SEMA3E: variants seen among roughly 807,000 people sequenced by gnomAD.
SEMA3E encodes semaphorin-3E.
SEMA3E carries 49 observed loss-of-function variants against 93.6 expected under a neutral mutation model. That is an observed-to-expected ratio of 0.52 (90% CI 0.42 to 0.66). The LOEUF is 0.66. Ranked by LOEUF, SEMA3E falls within the 30% of genes least tolerant of loss-of-function variation. SEMA3E has a pLI of 0.00. For synonymous variants in SEMA3E, 363 were observed against 330.7 expected, an observed-to-expected ratio of 1.10 and a Z score of -1.06; for missense variants, 906 against 964.8, an observed-to-expected ratio of 0.94 and a Z score of 0.81.
chr7:83,482,871 G>C (rs1273736748), intron 2 of SEMA3E, among the ~76,000 whole-genome samples: 3 of 151,646 alleles, frequency 2.0e-5, no homozygotes, highest in African/African-American at 7.3e-5. Context: ...GGATATGTTT[G>C]AAGGTTATTC....
At chr7:83,479,661 T>C (rs960406633) in intron 2 of SEMA3E, among the ~76,000 whole-genome samples, 2 of 152,150 alleles carry the variant, frequency 1.3e-5, no homozygotes, top group Non-Finnish European at 2.9e-5. Context: ...AGAAAGATAC[T>C]ATGGATATCT....
chr7:83,556,025 G>A (rs1003383236), intron 1 of SEMA3E, among the ~76,000 whole-genome samples: 1 of 152,020 alleles, frequency 6.6e-6, no homozygotes, highest in Non-Finnish European at 1.5e-5. Flanking sequence ...AAATGAGAAA[G>A]CACTAACTGC....
chr7:83,582,246 A>G (rs569536787), intron 1 of SEMA3E, among the ~76,000 whole-genome samples: 12 of 150,856 alleles, frequency 8.0e-5, no homozygotes, highest in African/African-American at 1.4e-4. Flanking sequence ...ATAGTAATAT[A>G]TACATATAAA....
chr7:83,505,907 C>T (rs972207767), intron 1 of SEMA3E, among the ~76,000 whole-genome samples: 4 of 149,928 alleles, frequency 2.7e-5, no homozygotes, highest in Admixed American at 1.3e-4. Context: ...CCCAGCTACT[C>T]GGGAGGCTGA....
rs1562746158 is a variant in SEMA3E at position 83,367,572 on chromosome 7, A to G, written c.*14T>C. ...ATATAAATTCTTCAAAAGACAGTAGATAGTCTCACCCCATCAGGAGTCCAG... is the reference window on the plus strand; with the variant it reads ...ATATAAATTCTTCAAAAGACAGTAGGTAGTCTCACCCCATCAGGAGTCCAG... On this transcript the variant is annotated 3_prime_UTR_variant, in exon 17 of 17. Coordinates refer to ENST00000643230, the MANE Select transcript of SEMA3E (RefSeq NM_012431.3). 5.0e-6 allele frequency: 8 copies of G among 1,612,800 alleles called. No homozygotes were observed. Among genetic ancestry groups the G allele is most frequent in the Non-Finnish European group, 5.9e-6 (7 of 1,178,836 alleles).
intron 1 of SEMA3E, among the ~76,000 whole-genome samples, chr7:83,628,471 A>G (rs1793720444): frequency 6.6e-6 from 1 of 151,876 alleles, no homozygotes; most frequent in Non-Finnish European, 1.5e-5. Flanking sequence ...TGTTTCTTGG[A>G]GGCTTTTTTC....
intron 1 of SEMA3E, among the ~76,000 whole-genome samples, chr7:83,519,757 C>T (rs980206788): frequency 3.3e-5 from 5 of 152,140 alleles, no homozygotes; most frequent in Admixed American, 2.6e-4. Context: ...TTTCTGTACG[C>T]ATAGAACCTG....
chr7:83,602,993 T>G (rs1793029887), intron 1 of SEMA3E, among the ~76,000 whole-genome samples: 1 of 152,228 alleles, frequency 6.6e-6, no homozygotes, highest in South Asian at 2.1e-4. Context: ...AATAAATATT[T>G]GTTAAATTGA....
At chr7:83,562,499 T>TA (rs994716869) in intron 1 of SEMA3E, among the ~76,000 whole-genome samples, 2 of 150,458 alleles carry the variant, frequency 1.3e-5, no homozygotes, top group African/African-American at 4.9e-5. Context: ...TTTATTTATT[T>TA]ATTTATTTTC....
chr7:83,568,416 G>T (rs1244510158), intron 1 of SEMA3E, among the ~76,000 whole-genome samples: 2 of 151,802 alleles, frequency 1.3e-5, no homozygotes, highest in East Asian at 3.9e-4. Context: ...GCAAAGAGTC[G>T]ACAACAACAA....
intron 4 of SEMA3E, among the ~76,000 whole-genome samples, chr7:83,436,339 A>G (rs1265229498): frequency 1.1e-5 from 1 of 93,226 alleles, no homozygotes; most frequent in African/African-American, 3.4e-5. Context: ...AGAAGAGGAG[A>G]AGAATAGAAA....
chr7:83,402,915 T>C, intron 9 of SEMA3E, 139 bp from the exon 10 acceptor site: 1 of 762,852 alleles, frequency 1.3e-6, no homozygotes. Flanking sequence ...ATATTCTAGG[T>C]ATGTTAATTA....
At chr7:83,565,228 GATC>G (rs1282408763) in intron 1 of SEMA3E, among the ~76,000 whole-genome samples, 1 of 152,158 alleles carries the variant, frequency 6.6e-6, no homozygotes, top group Non-Finnish European at 1.5e-5. Context: ...AAAACAATGA[GATC>G]ATGTTCTTTG....
chr7:83,552,172 T>A (rs528352268), intron 1 of SEMA3E, among the ~76,000 whole-genome samples: 2 of 152,278 alleles, frequency 1.3e-5, no homozygotes, highest in East Asian at 3.9e-4. Context: ...CCGTCCTACA[T>A]TGTTGCAGGA....
chr7:83,462,747 C>A (rs1191147566), intron 4 of SEMA3E, among the ~76,000 whole-genome samples: 1 of 144,576 alleles, frequency 6.9e-6, no homozygotes, highest in Admixed American at 6.9e-5. Context: ...CCTTACAATT[C>A]CCCCATTTTA....
intron 4 of SEMA3E, among the ~76,000 whole-genome samples, chr7:83,427,921 T>C (rs1445586366): frequency 6.6e-6 from 1 of 152,166 alleles, no homozygotes; most frequent in Non-Finnish European, 1.5e-5. Flanking sequence ...TCTGCCTGAG[T>C]AGTGTGTTTT....
At chr7:83,571,664 A>G (rs1425353071) in intron 1 of SEMA3E, among the ~76,000 whole-genome samples, 1 of 152,216 alleles carries the variant, frequency 6.6e-6, no homozygotes, top group Non-Finnish European at 1.5e-5. Flanking sequence ...AAACTGGAAC[A>G]AGACAAGGAT....
At position 83,368,058 on chromosome 7, in the gene SEMA3E, A is replaced by T; in HGVS notation, c.1876-20T>A. On this transcript the variant is annotated intron_variant, in intron 16 of 16. Coordinates refer to ENST00000643230, the MANE Select transcript of SEMA3E (RefSeq NM_012431.3). ...CTTCACCTGCAAAAACAAAAAAGTA[A>T]ATGGCACTGAAGTACACAGGAGAGA... 1.2e-6 allele frequency: 2 copies of T among 1,603,436 alleles called. No homozygotes were observed. The highest frequency in any genetic ancestry group is 1.7e-6 in the Non-Finnish European group (2 of 1,171,402).
In SEMA3E at chr7:83,418,820, A is replaced by G. The variant is rs1788614487; in HGVS notation, c.457-337T>C. ...AACTTGCTGGAAAAAGGTTAATGAA[A>G]AGGAGGTTCAATGTTAAAAATGATA... On this transcript the variant is annotated intron_variant, in intron 4 of 16. Transcript: ENST00000643230. Among the ~76,000 whole-genome samples, 5 of 152,282 alleles carry G rather than the reference A, an allele frequency of 3.3e-5. No homozygotes were observed. The South Asian group carries it at 1.0e-3, about 32-fold the overall frequency.
Sources: allele counts gnomAD v4.1 joint callset (sites outside exome capture counted in the v4.1 genomes callset), GRCh38; gene constraint gnomAD v4.1.1; transcripts MANE v1.5; gene names NCBI Gene and HGNC (gene_info 2026-07-23, HGNC 2026-07-21).